The following SYT14 variants were observed in gnomAD, a reference collection of about 807,000 sequenced individuals.
SYT14 encodes synaptotagmin 14.
In SYT14, 32 loss-of-function variants were observed where a neutral mutation model predicts 74.2. The observed-to-expected ratio is 0.43, with a 90% CI of 0.33 to 0.58. The LOEUF is 0.58. SYT14 is among the 20% of genes least tolerant of loss of function. The probability of loss-of-function intolerance (pLI) is 0.05; values close to 1 mark genes in which losing one functional copy is unlikely to be tolerated. For synonymous variants in SYT14, 298 were observed against 337.7 expected (o/e 0.88, Z 1.29); for missense variants, 791 against 981.8 (o/e 0.81, Z 2.60).
intron 2 of SYT14, among the ~76,000 whole-genome samples, chr1:210,008,719 C>CT (rs1441933235): frequency 6.6e-6 from 1 of 152,140 alleles, no homozygotes; most frequent in Non-Finnish European, 1.5e-5. Context: ...AATAGATTTA[C>CT]TTTCCTGCAG....
intron 1 of SYT14, among the ~76,000 whole-genome samples, chr1:209,946,897 G>A (rs569404000): frequency 6.6e-6 from 1 of 152,334 alleles, no homozygotes; most frequent in East Asian, 1.9e-4. Context: ...TTAAGTGGAA[G>A]CCAGTGCCCA....
chr1:210,072,279 T>G (rs2081409943), intron 5 of SYT14, among the ~76,000 whole-genome samples: 1 of 151,926 alleles, frequency 6.6e-6, no homozygotes. Context: ...AGAATACTTG[T>G]CACTGGTATC....
chr1:209,959,348 T>C (rs938802695), intron 2 of SYT14, among the ~76,000 whole-genome samples: 1 of 152,042 alleles, frequency 6.6e-6, no homozygotes, highest in African/African-American at 2.4e-5. Flanking sequence ...TTCACCACAT[T>C]GGCCAGGCTG....
intron 5 of SYT14, among the ~76,000 whole-genome samples, chr1:210,082,893 T>C (rs564130069): frequency 5.3e-5 from 8 of 152,338 alleles, no homozygotes; most frequent in South Asian, 4.1e-4. Flanking sequence ...GATTTTTCAC[T>C]AGAGAAATAG....
At chr1:210,093,000 TGCATTTTG>T (rs1005969227) in intron 5 of SYT14, among the ~76,000 whole-genome samples, 23 of 152,212 alleles carry the variant, frequency 1.5e-4, no homozygotes, top group African/African-American at 5.1e-4. Context: ...TGAGCATTTT[TGCATTTTG>T]GTATTTGAAA....
chr1:209,955,402 C>T (rs1342647208), intron 2 of SYT14, among the ~76,000 whole-genome samples: 1 of 152,192 alleles, frequency 6.6e-6, no homozygotes, highest in East Asian at 1.9e-4. Context: ...TAAGAATCAT[C>T]CTGTATTTCC....
intron 5 of SYT14, among the ~76,000 whole-genome samples, chr1:210,044,526 C>G (rs545899418): frequency 3.9e-4 from 59 of 152,246 alleles, no homozygotes; most frequent in Admixed American, 7.9e-4. Flanking sequence ...AGCATCGAAA[C>G]TTATTAGGGT....
In SYT14 at chr1:210,084,240, A is replaced by T. The variant is rs1428409450; in HGVS notation, c.1313-10082A>T. Among the ~76,000 whole-genome samples, 10 of 152,322 alleles carry T rather than the reference A, an allele frequency of 6.6e-5. No individual in the cohort carries two copies. The East Asian group carries it at 1.5e-3, about 24-fold the overall frequency. ...GCTTTTTAGTTTACCTTATAAATGG[A>T]TAAGAGCTATATATTAAAATATAGA... is the stretch of plus-strand genomic sequence containing the variant. On this transcript the variant is annotated intron_variant, in intron 5 of 9. Coordinates refer to ENST00000637265, the Ensembl canonical transcript of SYT14.
intron 5 of SYT14, among the ~76,000 whole-genome samples, chr1:210,067,108 C>A (rs2081310341): frequency 6.6e-6 from 1 of 152,032 alleles, no homozygotes; most frequent in Non-Finnish European, 1.5e-5. Context: ...GTTGACCATA[C>A]ACATATGGTT....
intron 2 of SYT14, among the ~76,000 whole-genome samples, chr1:209,954,931 C>T (rs1332652561): frequency 2.0e-5 from 3 of 152,098 alleles, no homozygotes; most frequent in Non-Finnish European, 2.9e-5. Context: ...GTCTCGAATT[C>T]GTGGCCTCAA....
At chr1:210,160,563 CAT>C (rs2083352553) in intron 9 of SYT14, among the ~76,000 whole-genome samples, 164 bp from the exon 9 acceptor site, 1 of 152,128 alleles carries the variant, frequency 6.6e-6, no homozygotes, top group African/African-American at 2.4e-5. Context: ...GTATTTGTCA[CAT>C]ATTATAAGCA....
intron 2 of SYT14, among the ~76,000 whole-genome samples, chr1:209,983,860 A>AT (rs1200477823): frequency 6.6e-6 from 1 of 152,108 alleles, no homozygotes; most frequent in African/African-American, 2.4e-5. Flanking sequence ...CTCCTCAGGG[A>AT]TTTCTCATTT....
intron 4 of SYT14, among the ~76,000 whole-genome samples, chr1:210,018,176 C>T (rs1217205848): frequency 5.3e-5 from 8 of 152,198 alleles, no homozygotes; most frequent in Admixed American, 2.0e-4. Context: ...GCGCTGTCGC[C>T]AGGCTGGATT....
At chr1:209,956,591 A>G (rs964458595) in intron 2 of SYT14, among the ~76,000 whole-genome samples, 19 of 152,212 alleles carry the variant, frequency 1.2e-4, no homozygotes, top group African/African-American at 4.6e-4. Context: ...CTACATCTAT[A>G]GTAACTTCAA....
exon 7 of SYT14, chr1:210,100,154 A>T (rs771319629): frequency 6.2e-7 from 1 of 1,614,134 alleles, no homozygotes; most frequent in Non-Finnish European, 8.5e-7. Flanking sequence ...GCTGTCACAG[A>T]CATCCCAACA....
intron 5 of SYT14, among the ~76,000 whole-genome samples, chr1:210,027,332 T>G (rs1002151393): frequency 6.6e-6 from 1 of 151,782 alleles, no homozygotes; most frequent in Admixed American, 6.6e-5. Flanking sequence ...GGAGGACCAC[T>G]TAAGCCCAGG....
chr1:209,974,953 T>G (rs1304170122), intron 2 of SYT14, among the ~76,000 whole-genome samples: 1 of 152,172 alleles, frequency 6.6e-6, no homozygotes, highest in Non-Finnish European at 1.5e-5. Context: ...GATTCCTAGG[T>G]ATTTTACTCT....
exon 10 of SYT14, chr1:210,163,308 C>T (rs1391933234): frequency 2.2e-6 from 1 of 453,652 alleles, no homozygotes; most frequent in South Asian, 1.6e-5. Context: ...TTTGATACAT[C>T]CCTAGGGATT....
intron 5 of SYT14, among the ~76,000 whole-genome samples, chr1:210,052,325 A>G (rs2081012394): frequency 6.7e-6 from 1 of 149,626 alleles, no homozygotes; most frequent in East Asian, 2.1e-4. Flanking sequence ...GGTTCACGCC[A>G]TTCTCTTGCC....
Sources: gnomAD v4.1 joint callset for allele counts (sites outside exome capture counted in the v4.1 genomes callset) on GRCh38, gnomAD v4.1.1 for gene constraint, MANE v1.5 for transcripts, NCBI Gene and HGNC (gene_info 2026-07-23, HGNC 2026-07-21) for gene names.